The following NOTCH1 variants were observed in gnomAD, a reference collection of about 807,000 sequenced individuals.
NOTCH1 encodes the protein notch receptor 1.
In NOTCH1, 37 loss-of-function variants were observed where a neutral mutation model predicts 254.8. That is an observed-to-expected ratio of 0.15 (90% CI 0.11 to 0.19). The LOEUF (loss-of-function observed/expected upper bound fraction) is 0.19, where lower values mean the gene tolerates loss of function less well. Among genes scored for constraint, NOTCH1 ranks in the 10% least tolerant of loss-of-function variants. The pLI is 1.00. For missense variants in NOTCH1, 2,972 were observed against 3,708.6 expected, an observed-to-expected ratio of 0.80 and a Z score of 5.16; for synonymous variants, 1,731 against 1,618.1, an observed-to-expected ratio of 1.07 and a Z score of -1.68.
intron 4 of NOTCH1, chr9:136,522,524 T>A (rs1261032524): frequency 2.8e-6 from 1 of 357,646 alleles, no homozygotes; most frequent in Non-Finnish European, 5.0e-6. Flanking sequence ...CCAGCCCCAC[T>A]GCAGGGGAAA....
intron 21 of NOTCH1, 76 bp downstream of exon 21, chr9:136,507,879 G>A: frequency 6.7e-7 from 1 of 1,495,434 alleles, no homozygotes. Flanking sequence ...TCTCCACTGG[G>A]CCAGCTCCCA....
chr9:136,537,047 G>A (rs1216440793), intron 2 of NOTCH1, among the ~76,000 whole-genome samples: 1 of 152,222 alleles, frequency 6.6e-6, no homozygotes, highest in Non-Finnish European at 1.5e-5. Flanking sequence ...GCAGGACAGG[G>A]GCCGCGGGCA....
At chr9:136,518,088 G>A (rs755648131) in intron 7 of NOTCH1, 49 bp downstream of exon 7, 7 of 1,557,740 alleles carry the variant, frequency 4.5e-6, no homozygotes, top group African/African-American at 2.7e-5. Context: ...TCGGTTCTGG[G>A]GCCAGGCTGC....
Position 136,496,065 on chromosome 9 carries a change from C to A in NOTCH1, c.*6G>T, listed in dbSNP as rs73668310. The A allele has an allele frequency of 6.3e-7, 1 of 1,596,316 alleles. No homozygotes were observed. Among genetic ancestry groups the A allele is most frequent in the Non-Finnish European group, 8.5e-7 (1 of 1,177,520 alleles). On this transcript the variant is annotated 3_prime_UTR_variant, in exon 34 of 34. Coordinates refer to ENST00000651671, the MANE Select transcript of NOTCH1 (RefSeq NM_017617.5). The stretch of plus-strand genomic sequence containing the variant: ...AAGGAAGCCGGGGTCTCGTGGGGCG[C>A]GCCGTTTACTTGAAGGCCTCCGGAA...
In NOTCH1 at chr9:136,496,329, G is replaced by C. The variant is rs777059689; in HGVS notation, c.7410C>G (p.Ser2470=). 5.0e-6 allele frequency: 8 copies of C among 1,594,308 alleles called. No individual in the cohort carries two copies. The highest frequency in any genetic ancestry group is 6.8e-6 in the Non-Finnish European group (8 of 1,171,136). ...CTGCGGTCACGGGTGGGACCAGCGA[G>C]GATGGCAGCGACGTGGGCAGGGCGG... ...ESPALPTSLP[S]SLVPPVTAAQ... Residue 2470 remains serine, a synonymous_variant, in exon 34 of 34, where the codon TCC becomes TCG. Coordinates refer to ENST00000651671, the MANE Select transcript of NOTCH1 (RefSeq NM_017617.5).
chr9:136,516,928 G>A (rs185493018), intron 9 of NOTCH1, among the ~76,000 whole-genome samples: 45 of 150,836 alleles, frequency 3.0e-4, no homozygotes, highest in African/African-American at 9.7e-4. Context: ...TCAGAAGGCC[G>A]GGGTGCAGAC....
chr9:136,502,860 C>T (rs994219753), intron 27 of NOTCH1: 5 of 566,384 alleles, frequency 8.8e-6, no homozygotes, highest in African/African-American at 5.7e-5. Context: ...CTCTCTCTCT[C>T]TTTTTTTTTC....
At chr9:136,543,915 T>C (rs1476438908) in intron 2 of NOTCH1, 109 bp downstream of exon 2, 5 of 1,074,950 alleles carry the variant, frequency 4.7e-6, no homozygotes, top group East Asian at 5.2e-5. Context: ...GCCCAGACTC[T>C]GGGCCATCTC....
chr9:136,519,728 G>A (rs1474794546), intron 4 of NOTCH1, 163 bp from the exon 5 acceptor site: 5 of 906,834 alleles, frequency 5.5e-6, no homozygotes, highest in African/African-American at 1.6e-5. Flanking sequence ...GTGCCCAGAG[G>A]GACACGCCCT....
chr9:136,545,870 G>C lies in NOTCH1; in HGVS notation c.-84C>G. The C allele has an allele frequency of 1.4e-6, 1 of 700,938 alleles. No individual in the cohort carries two copies. Among genetic ancestry groups the C allele is most frequent in the Middle Eastern group, 5.5e-4 (1 of 1,834 alleles). The allele number at this position is 700,938 out of a possible 1,614,324, so 43.4% of individuals were successfully genotyped here. A position where few individuals can be genotyped will look rare whatever the true frequency, so the allele number is the denominator to read the frequency against. On this transcript the variant is annotated 5_prime_UTR_variant, in exon 1 of 34. Coordinates refer to ENST00000651671, the MANE Select transcript of NOTCH1 (RefSeq NM_017617.5). The surrounding 1 kb of genome is among the most constrained non-coding windows in gnomAD (Gnocchi z 6.8). ...GCTGGGACGCACACGCGCGGCGTAC[G>C]GTCCCGGGGCGGCGGCGGACGGTCC... is the stretch of plus-strand genomic sequence containing the variant.
chr9:136,532,534 A>G (rs538514083), intron 2 of NOTCH1, among the ~76,000 whole-genome samples: 8 of 152,260 alleles, frequency 5.3e-5, no homozygotes, highest in African/African-American at 1.7e-4. Context: ...TCCAGGGTGG[A>G]TGACACAGAT....
At position 136,508,314 on chromosome 9, in the gene NOTCH1, G is replaced by A. The variant is rs2133347437; in HGVS notation, c.3243C>T (p.Tyr1081=). 1 of 1,613,024 alleles carries A rather than the reference G, an allele frequency of 6.2e-7. No homozygotes were observed. Among genetic ancestry groups the A allele is most frequent in the Non-Finnish European group, 8.5e-7 (1 of 1,180,014 alleles). Residue 1081 remains tyrosine (Y), a synonymous_variant, in exon 20 of 34, where the codon TAC becomes TAT. Coordinates refer to ENST00000651671, the MANE Select transcript of NOTCH1 (RefSeq NM_017617.5). ...TCCAGCCGCTGGGGCACTCGCAGCG[G>A]TACTGGGTGTGGGTCTGCCAGCATT... ...GGKCWQTHTQ[Y]RCECPSGWTG...
rs1589084217 is a variant in NOTCH1, at chr9:136,544,192, A to T, written c.62-90T>A. On this transcript the variant is annotated intron_variant, in intron 1 of 33. Transcript: ENST00000651671. ...ACCCTGGGGGCGGGGACCTGCACCC[A>T]GCCAAGGGGCATCGTCCGCCCCCTA... 2.5e-6 allele frequency: 3 copies of T among 1,223,582 alleles called. No individual in the cohort carries two copies. In the East Asian group the frequency reaches 7.6e-5, roughly 31 times the overall value. The allele number at this position is 1,223,582 out of a possible 1,614,324, so 75.8% of individuals were successfully genotyped here.
chr9:136,513,352 A>G lies in NOTCH1; in HGVS notation c.2353+40T>C. ...CTGTGTCTCCAGCTCCCCAGACTCGAGGGCGGCCCTCTGCACTGAGAAACG... is the reference window on the plus strand; with the variant it reads ...CTGTGTCTCCAGCTCCCCAGACTCGGGGGCGGCCCTCTGCACTGAGAAACG... On this transcript the variant is annotated intron_variant, in intron 14 of 33. Transcript: ENST00000651671. The surrounding 1 kb of genome is among the most constrained non-coding windows in gnomAD (Gnocchi z 4.7). 6.2e-7 allele frequency: 1 copy of G among 1,611,850 alleles called. No individual in the cohort carries two copies. The highest frequency in any genetic ancestry group is 1.1e-5 in the South Asian group (1 of 91,056).
rs1022510242 is a variant in NOTCH1 at position 136,497,512 on chromosome 9, G to A, written c.6227C>T (p.Thr2076Ile). The change falls in exon 34 of 34, where the codon ACC becomes ATC. Residue 2076 changes from threonine (T) to isoleucine (I), a missense_variant. Coordinates refer to ENST00000651671, the MANE Select transcript of NOTCH1 (RefSeq NM_017617.5). ...AAAGTGGTCCAGCAGCACCTTGGCG[G>A]TCTCGTAGCTGCCCTCCCGGGCGGC... is the stretch of plus-strand genomic sequence containing the variant. ...FLAAREGSYETAKVLLDHFAN... is the reference protein window; with the variant it reads ...FLAAREGSYEIAKVLLDHFAN... The A allele has an allele frequency of 1.9e-6, 3 of 1,610,892 alleles. No homozygotes were observed. The highest frequency in any genetic ancestry group is 1.7e-6 in the Non-Finnish European group (2 of 1,179,336).
intron 33 of NOTCH1, among the ~76,000 whole-genome samples, chr9:136,497,914 G>A (rs979804082): frequency 1.2e-4 from 19 of 152,272 alleles, no homozygotes; most frequent in Admixed American, 2.6e-4. Context: ...TTCCTGGAGC[G>A]GTTCAGAGGC....
At position 136,540,170 on chromosome 9, in the gene NOTCH1, C is replaced by T. The variant is rs1411292025; in HGVS notation, c.140+3854G>A. Reference sequence around the variant, plus strand: ...CCAGGCCACCACCGGGCCGGCACACCCCCAACATGTCCCACATGTGAGCTA... The same window carrying T: ...CCAGGCCACCACCGGGCCGGCACACTCCCAACATGTCCCACATGTGAGCTA... On this transcript the variant is annotated intron_variant, in intron 2 of 33. Transcript: ENST00000651671. This position sits in a 1 kb window ranked among gnomAD's most constrained non-coding sequence, Gnocchi z 4.4. 1.3e-5 allele frequency among the ~76,000 whole-genome samples: 2 copies of T among 152,212 alleles called. No individual in the cohort carries two copies. Among genetic ancestry groups the T allele is most frequent in the African/African-American group, 4.8e-5 (2 of 41,454 alleles).
intron 15 of NOTCH1, 140 bp from the exon 16 acceptor site, chr9:136,511,411 AGCGCTCCCGGCTGT>A: frequency 9.0e-7 from 1 of 1,110,616 alleles, no homozygotes; most frequent in Non-Finnish European, 1.3e-6. Flanking sequence ...GAGACCCCTG[AGCGCTCCCGGCTGT>A]GCCAGGACCC....
At chr9:136,515,421 G>A (rs376328597) in intron 11 of NOTCH1, 21 bp from the exon 12 acceptor site, 25 of 1,612,514 alleles carry the variant, frequency 1.6e-5, no homozygotes, top group African/African-American at 9.3e-5. Context: ...GGCACGTGTC[G>A]GTCAGTCCTC....
Sources: gnomAD v4.1 joint callset for allele counts (sites outside exome capture counted in the v4.1 genomes callset) on GRCh38, gnomAD v4.1.1 for gene constraint, Gnocchi (gnomAD v3.1) non-coding constraint, MANE v1.5 for transcripts, NCBI Gene and HGNC (gene_info 2026-07-23, HGNC 2026-07-21) for gene names.